PRDM16: variants seen among roughly 807,000 people sequenced by gnomAD.
PRDM16 encodes PR/SET domain 16.
Under a neutral mutation model 110.6 loss-of-function variants are expected in PRDM16, and 23 were observed. The observed-to-expected ratio is 0.21, with a 90% CI of 0.15 to 0.29. The LOEUF (loss-of-function observed/expected upper bound fraction) is 0.29. Among genes scored for constraint, PRDM16 ranks in the 10% least tolerant of loss-of-function variants. The probability of loss-of-function intolerance (pLI) is 1.00; values close to 1 mark genes in which losing one functional copy is unlikely to be tolerated. For synonymous variants in PRDM16, 799 were observed against 781.8 expected, an observed-to-expected ratio of 1.02 and a Z score of -0.37; for missense variants, 1,615 against 1,794.3, an observed-to-expected ratio of 0.90 and a Z score of 1.81.
intron 3 of PRDM16, among the ~76,000 whole-genome samples, chr1:3,289,421 T>TGCCTGCAGCGAGTTCCC (rs879729143): frequency 1.3e-5 from 2 of 152,238 alleles, no homozygotes; most frequent in Non-Finnish European, 2.9e-5. Flanking sequence ...CACAAGTACC[T>TGCCTGCAGCGAGTTCCC]GCCTGCAGCG....
At chr1:3,430,679 C>T (rs573792404) in intron 14 of PRDM16, among the ~76,000 whole-genome samples, 193 bp from the exon 15 acceptor site, 15 of 152,364 alleles carry the variant, frequency 9.8e-5, no homozygotes, top group Non-Finnish European at 2.1e-4. Context: ...CCCGGGATCG[C>T]CCCCAGGCCT....
intron 3 of PRDM16, among the ~76,000 whole-genome samples, chr1:3,319,535 G>C (rs1481360727): frequency 6.6e-6 from 1 of 152,174 alleles, no homozygotes; most frequent in Non-Finnish European, 1.5e-5. Context: ...GGGATTGAGA[G>C]GGGAGAGGCC....
chr1:3,072,066 C>T (rs894601245), intron 1 of PRDM16, among the ~76,000 whole-genome samples: 1 of 152,184 alleles, frequency 6.6e-6, no homozygotes, highest in South Asian at 2.1e-4. Context: ...TGATGGGAAA[C>T]CTACAGCCTC....
In PRDM16 at chr1:3,350,515, C is replaced by T. The variant is rs1223306059; in HGVS notation, c.439-34637C>T. On this transcript the variant is annotated intron_variant, in intron 3 of 16. Coordinates refer to ENST00000270722, the MANE Select transcript of PRDM16 (RefSeq NM_022114.4). The surrounding 1 kb of genome is among the most constrained non-coding windows in gnomAD (Gnocchi z 7.1). Reference sequence around the variant, plus strand: ...ACATAATGTGTGTTAAGATCAAGGGCCCCGGGCTGATGTGGCCTCCCAGCA... The same window carrying T: ...ACATAATGTGTGTTAAGATCAAGGGTCCCGGGCTGATGTGGCCTCCCAGCA... 6.6e-6 allele frequency among the ~76,000 whole-genome samples: 1 copy of T among 152,118 alleles called. No individual in the cohort carries two copies. Among genetic ancestry groups the T allele is most frequent in the East Asian group, 1.9e-4 (1 of 5,164 alleles).
At chr1:3,183,731 A>G (rs1198061735) in intron 1 of PRDM16, among the ~76,000 whole-genome samples, 1 of 152,226 alleles carries the variant, frequency 6.6e-6, no homozygotes, top group African/African-American at 2.4e-5. Flanking sequence ...GGTTTTGGGA[A>G]GTAGAATTCA....
intron 1 of PRDM16, among the ~76,000 whole-genome samples, chr1:3,150,497 G>T (rs537565008): frequency 2.7e-4 from 41 of 152,270 alleles, no homozygotes; most frequent in African/African-American, 9.6e-4. Context: ...GGCGGAGATT[G>T]CAGTGAGCCG....
intron 1 of PRDM16, among the ~76,000 whole-genome samples, chr1:3,122,941 G>A (rs939678476): frequency 6.6e-6 from 1 of 152,210 alleles, no homozygotes; most frequent in African/African-American, 2.4e-5. Flanking sequence ...TTGCACGGGA[G>A]CCCGAGGCCT....
intron 1 of PRDM16, among the ~76,000 whole-genome samples, chr1:3,176,931 C>T (rs1644097906): frequency 6.6e-6 from 1 of 151,850 alleles, no homozygotes. Flanking sequence ...CATCCATCCA[C>T]CCATTCATTC....
intron 1 of PRDM16, among the ~76,000 whole-genome samples, chr1:3,102,497 G>A (rs1403792474): frequency 6.6e-6 from 1 of 152,210 alleles, no homozygotes; most frequent in Non-Finnish European, 1.5e-5. Context: ...TGAGCTGCAG[G>A]TGGGCCCCCT....
At chr1:3,217,641 C>T (rs953247548) in intron 2 of PRDM16, among the ~76,000 whole-genome samples, 2 of 152,304 alleles carry the variant, frequency 1.3e-5, no homozygotes, top group East Asian at 3.9e-4. Context: ...GCTGAGTGCA[C>T]GCTGTCCAGA....
chr1:3,134,569 G>A (rs1020263712), intron 1 of PRDM16, among the ~76,000 whole-genome samples: 5 of 151,202 alleles, frequency 3.3e-5, no homozygotes, highest in Non-Finnish European at 7.4e-5. Flanking sequence ...CCGAGGGCGC[G>A]TGGAGCCCGC....
chr1:3,368,419 C>CTT (rs1642853497), intron 3 of PRDM16, among the ~76,000 whole-genome samples: 1 of 152,188 alleles, frequency 6.6e-6, no homozygotes, highest in Non-Finnish European at 1.5e-5. Flanking sequence ...GTAGGAGACT[C>CTT]TTCTGTATCC....
At chr1:3,098,199 C>T (rs752923421) in intron 1 of PRDM16, among the ~76,000 whole-genome samples, 9 of 152,168 alleles carry the variant, frequency 5.9e-5, no homozygotes, top group Non-Finnish European at 1.3e-4. Context: ...AGAGTCCCTC[C>T]AGGCTCATGG....
rs561222195 is a variant in PRDM16, at chr1:3,404,644, C to T, written c.885-95C>T. 99 of 1,491,782 alleles carry T rather than the reference C, an allele frequency of 6.6e-5. No individual in the cohort carries two copies. The Middle Eastern group carries it at 7.1e-4, about 11-fold the overall frequency. 92.4% of individuals were successfully genotyped at this position (1,491,782 alleles called of 1,614,324 possible). A position where few individuals can be genotyped will look rare whatever the true frequency, so the allele number is the denominator to read the frequency against. On this transcript the variant is annotated intron_variant, in intron 6 of 16. Coordinates refer to ENST00000270722, the MANE Select transcript of PRDM16 (RefSeq NM_022114.4). ...TCCCTCGGCAGCGTGGTGGGGGCTC[C>T]GAAGGGGCACTGGGAACAAGCTGTA...
At chr1:3,338,856 G>A (rs1642214245) in intron 3 of PRDM16, among the ~76,000 whole-genome samples, 1 of 152,354 alleles carries the variant, frequency 6.6e-6, no homozygotes, top group African/African-American at 2.4e-5. Flanking sequence ...ACTGCAGCAG[G>A]CCGAGCCCAT....
chr1:3,247,649 A>G (rs762646661), intron 3 of PRDM16, among the ~76,000 whole-genome samples: 14 of 151,878 alleles, frequency 9.2e-5, no homozygotes, highest in Non-Finnish European at 1.9e-4. Context: ...GCCTTCGTTC[A>G]CTCCGCAGCC....
At chr1:3,138,334 C>T (rs188029313) in intron 1 of PRDM16, among the ~76,000 whole-genome samples, 7 of 152,334 alleles carry the variant, frequency 4.6e-5, no homozygotes, top group South Asian at 2.1e-4. Context: ...CAGCACCCAT[C>T]GAGTAAATAC....
intron 2 of PRDM16, among the ~76,000 whole-genome samples, chr1:3,217,722 T>C (rs192398899): frequency 6.6e-6 from 1 of 152,184 alleles, no homozygotes; most frequent in African/African-American, 2.4e-5. Context: ...CGGTAGATCT[T>C]TTTTTTCAAC....
At position 3,314,130 on chromosome 1, in the gene PRDM16, G is replaced by T. The variant is rs149877645; in HGVS notation, c.438+69993G>T. On this transcript the variant is annotated intron_variant, in intron 3 of 16. Coordinates refer to ENST00000270722, the MANE Select transcript of PRDM16 (RefSeq NM_022114.4). ...GTCACTGTCCCTTAAGGAGCGGACC[G>T]CCTGAGCCCTGGAGTGGCCCAGGGA... Among the ~76,000 whole-genome samples the T allele has an allele frequency of 8.5e-3, 1,282 of 150,500 alleles. 7 individuals carry two copies. Among genetic ancestry groups the T allele is most frequent in the Non-Finnish European group, 0.013 (898 of 67,846 alleles).
Sources: allele counts gnomAD v4.1 joint callset (sites outside exome capture counted in the v4.1 genomes callset), GRCh38; gene constraint gnomAD v4.1.1; non-coding constraint Gnocchi (gnomAD v3.1); transcripts MANE v1.5; gene names NCBI Gene and HGNC (gene_info 2026-07-23, HGNC 2026-07-21).